Variants in FTCDNL1 observed in about 807,000 individuals in gnomAD.
The protein encoded by FTCDNL1 is formiminotransferase cyclodeaminase N-terminal like, also known as formiminotransferase N-terminal subdomain-containing protein.
FTCDNL1 carries 11 observed loss-of-function variants against 5.9 expected under a neutral mutation model. The ratio of observed to expected loss-of-function variants is 1.87; its 90% CI spans 1.18 to 3.10. The LOEUF (loss-of-function observed/expected upper bound fraction) is 3.10. FTCDNL1 is among the 30% of genes most tolerant of loss of function. The pLI, the probability that FTCDNL1 is intolerant of heterozygous loss-of-function variation, is 0.00. For synonymous variants in FTCDNL1, 58 were observed against 24.8 expected, an observed-to-expected ratio of 2.34 and a Z score of -3.99; for missense variants, 115 against 65.5, an observed-to-expected ratio of 1.76 and a Z score of -2.61.
At chr2:199,791,198 G>A (rs1699908401) in intron 3 of FTCDNL1, among the ~76,000 whole-genome samples, 1 of 151,920 alleles carries the variant, frequency 6.6e-6, no homozygotes, top group Non-Finnish European at 1.5e-5. Context: ...GCATATATAG[G>A]TCTGTATATA....
chr2:199,828,923 T>C (rs1208024138), intron 3 of FTCDNL1, among the ~76,000 whole-genome samples: 2 of 152,202 alleles, frequency 1.3e-5, no homozygotes, highest in African/African-American at 4.8e-5. Context: ...TGAGAACATA[T>C]TGTATTCCTA....
chr2:199,731,240 A>C, the FTCDNL1 span, among the ~76,000 whole-genome samples: 1 of 152,126 alleles, frequency 6.6e-6, no homozygotes, highest in Admixed American at 6.5e-5. Flanking sequence ...AACACCTAAC[A>C]CATGTGGGGC....
chr2:199,760,484 C>A, downstream of FTCDNL1: 1 of 263,680 alleles, frequency 3.8e-6, no homozygotes, highest in South Asian at 6.7e-5. Flanking sequence ...AACACAAATG[C>A]CTTTAACACC....
chr2:199,734,126 G>A, the FTCDNL1 span, among the ~76,000 whole-genome samples: 1 of 152,168 alleles, frequency 6.6e-6, no homozygotes, highest in Non-Finnish European at 1.5e-5. Flanking sequence ...TCTAGAGGGT[G>A]TTTACAAATG....
rs200565162 is a variant in FTCDNL1 at position 199,824,809 on chromosome 2, A to C, written c.212-5052T>G. 3.3e-5 allele frequency among the ~76,000 whole-genome samples: 5 copies of C among 152,184 alleles called. 1 individual carries two copies. In the East Asian group the frequency reaches 9.6e-4, roughly 29 times the overall value. ...TGTGGTTGTGATTCGTGGCACCCCA[A>C]ACATCAAAGATCACTGATCGCAGAT... On this transcript the variant is annotated intron_variant, in intron 3 of 4. Coordinates refer to ENST00000420128, the MANE Select transcript of FTCDNL1 (RefSeq NM_001363886.2).
rs572182414 is a variant in FTCDNL1, at chr2:199,770,625, C to A, written c.212-9790G>T. ...GGGCTGTTAGTTATTCATGCATTAT[C>A]CTTCACATATCATTTTAAAAATTAA... On this transcript the variant is annotated intron_variant, in intron 3 of 3. Transcript: ENST00000416668. Among the ~76,000 whole-genome samples the A allele has an allele frequency of 1.1e-4, 16 of 152,288 alleles. No homozygotes were observed. The East Asian group carries it at 3.1e-3, about 29-fold the overall frequency.
At chr2:199,665,519 A>G in the FTCDNL1 span, among the ~76,000 whole-genome samples, 10 of 151,914 alleles carry the variant, frequency 6.6e-5, no homozygotes, top group African/African-American at 2.4e-4. Context: ...TGTAATCCCA[A>G]CTATTCAGGA....
intron 3 of FTCDNL1, among the ~76,000 whole-genome samples, chr2:199,843,675 T>C (rs2076650845): frequency 6.6e-6 from 1 of 152,190 alleles, no homozygotes; most frequent in Admixed American, 6.5e-5. Context: ...GGCAACATCA[T>C]AGAGGGATTT....
At chr2:199,692,848 C>A in the FTCDNL1 span, among the ~76,000 whole-genome samples, 1 of 152,152 alleles carries the variant, frequency 6.6e-6, no homozygotes, top group African/African-American at 2.4e-5. Context: ...TAAACCAAAT[C>A]GAGGCTTAAT....
downstream of FTCDNL1, among the ~76,000 whole-genome samples, chr2:199,760,254 A>AAGCT (rs1698211842): frequency 6.6e-6 from 1 of 152,050 alleles, no homozygotes; most frequent in Admixed American, 6.6e-5. Context: ...CAGTAAGGCA[A>AAGCT]AGCTAATTAC....
the FTCDNL1 span, among the ~76,000 whole-genome samples, chr2:199,745,023 C>T: frequency 6.6e-6 from 1 of 152,232 alleles, no homozygotes; most frequent in Middle Eastern, 3.2e-3. Flanking sequence ...ACCGGGCAAA[C>T]CAGGCCCTAC....
the FTCDNL1 span, among the ~76,000 whole-genome samples, chr2:199,750,172 G>A: frequency 6.6e-6 from 1 of 151,478 alleles, no homozygotes; most frequent in Non-Finnish European, 1.5e-5. Context: ...TGGGCAACAT[G>A]GCAAGATCCC....
At chr2:199,787,151 G>A (rs1199960816) in intron 3 of FTCDNL1, among the ~76,000 whole-genome samples, 1 of 151,670 alleles carries the variant, frequency 6.6e-6, no homozygotes, top group Non-Finnish European at 1.5e-5. Flanking sequence ...ATATTTTAAG[G>A]TTGGCTGATT....
chr2:199,772,370 T>G (rs920462971), intron 3 of FTCDNL1, among the ~76,000 whole-genome samples: 10 of 152,218 alleles, frequency 6.6e-5, no homozygotes, highest in African/African-American at 2.4e-4. Flanking sequence ...GGGAGACAAC[T>G]GCTGTAATTG....
At chr2:199,825,053 G>A (rs758677267) in intron 3 of FTCDNL1, among the ~76,000 whole-genome samples, 11 of 151,396 alleles carry the variant, frequency 7.3e-5, no homozygotes, top group Middle Eastern at 3.4e-3. Flanking sequence ...TCAGAGGATT[G>A]CTTCAGCCTG....
At chr2:199,848,056 G>A (rs1026199359) in intron 2 of FTCDNL1, among the ~76,000 whole-genome samples, 2 of 152,150 alleles carry the variant, frequency 1.3e-5, no homozygotes, top group Non-Finnish European at 2.9e-5. Flanking sequence ...CTTTAGGGTT[G>A]GTTTCACCTG....
intron 3 of FTCDNL1, among the ~76,000 whole-genome samples, chr2:199,767,864 T>C (rs1698609643): frequency 6.6e-6 from 1 of 152,192 alleles, no homozygotes; most frequent in Non-Finnish European, 1.5e-5. Context: ...TATTTTGCAA[T>C]AGCAACAGGA....
chr2:199,710,493 AG>A, the FTCDNL1 span, among the ~76,000 whole-genome samples: 1 of 152,188 alleles, frequency 6.6e-6, no homozygotes, highest in African/African-American at 2.4e-5. Context: ...TAAGCTTGGG[AG>A]CAATAAGTCA....
the FTCDNL1 span, among the ~76,000 whole-genome samples, chr2:199,749,059 G>C: frequency 0.78 from 118,527 of 152,100 alleles, 48,944 homozygotes; most frequent in South Asian, 0.96. Flanking sequence ...TATATGGGGA[G>C]CACCTGCTTT....
Sources: allele counts gnomAD v4.1 joint callset (sites outside exome capture counted in the v4.1 genomes callset), GRCh38; gene constraint gnomAD v4.1.1; transcripts MANE v1.5; gene names NCBI Gene and HGNC (gene_info 2026-07-23, HGNC 2026-07-21).